The following DYNC1H1 variants were observed in gnomAD, a reference collection of about 807,000 sequenced individuals.
DYNC1H1 encodes the protein dynein cytoplasmic 1 heavy chain 1.
Under a neutral mutation model 527.1 loss-of-function variants are expected in DYNC1H1, and 51 were observed. The ratio of observed to expected loss-of-function variants is 0.10; its 90% CI spans 0.08 to 0.12. The LOEUF (loss-of-function observed/expected upper bound fraction) is 0.12, where lower values mean the gene tolerates loss of function less well. Among genes scored for constraint, DYNC1H1 ranks in the 10% least tolerant of loss-of-function variants. DYNC1H1 has a pLI of 1.00. For missense variants in DYNC1H1, 2,771 were observed against 5,971.8 expected (o/e 0.46, Z 17.66); for synonymous variants, 2,189 against 2,278.8 (o/e 0.96, Z 1.12).
chr14:102,027,060 A>T lies in DYNC1H1; in HGVS notation c.8772-114A>T. The T allele has an allele frequency of 8.2e-7, 1 of 1,214,368 alleles. No individual in the cohort carries two copies. The highest frequency in any genetic ancestry group is 1.2e-6 in the Non-Finnish European group (1 of 819,350). 75.2% of individuals were successfully genotyped at this position (1,214,368 alleles called of 1,614,324 possible). On this transcript the variant is annotated intron_variant, in intron 44 of 77. Coordinates refer to ENST00000360184, the MANE Select transcript of DYNC1H1 (RefSeq NM_001376.5). The surrounding 1 kb of genome is among the most constrained non-coding windows in gnomAD (Gnocchi z 7.7). Reference sequence around the variant, plus strand: ...AATAACAGTTGCTCAGCAAATGTTTAATATACAAGTTCAAGTTAAAACATG... The same window carrying T: ...AATAACAGTTGCTCAGCAAATGTTTTATATACAAGTTCAAGTTAAAACATG...
chr14:102,007,215 G>A lies in DYNC1H1; in HGVS notation c.5817+107G>A, dbSNP rs373153384. 2.1e-5 allele frequency: 27 copies of A among 1,260,116 alleles called. No homozygotes were observed. The East Asian group carries it at 2.9e-4, about 14-fold the overall frequency. The allele number at this position is 1,260,116 out of a possible 1,614,324, so 78.1% of individuals were successfully genotyped here. ...AAAGCCATTGGTCTTACAGCTCAGC[G>A]TGGTTTATATGGCCTCCTGAGTCCT... is the stretch of plus-strand genomic sequence containing the variant. On this transcript the variant is annotated intron_variant, in intron 28 of 77. Transcript: ENST00000360184.
chr14:102,017,573 C>T lies in DYNC1H1; in HGVS notation c.8177+69C>T. 6.2e-7 allele frequency: 1 copy of T among 1,613,336 alleles called. No individual in the cohort carries two copies. Among genetic ancestry groups the T allele is most frequent in the East Asian group, 2.2e-5 (1 of 44,884 alleles). Reference sequence around the variant, plus strand: ...TCCAGGATTGCTGTAAACACAGCGCCACAAAAACCTGGTTTTGATAATAAA... The same window carrying T: ...TCCAGGATTGCTGTAAACACAGCGCTACAAAAACCTGGTTTTGATAATAAA... On this transcript the variant is annotated intron_variant, in intron 40 of 77. Coordinates refer to ENST00000360184, the MANE Select transcript of DYNC1H1 (RefSeq NM_001376.5). This position sits in a 1 kb window ranked among gnomAD's most constrained non-coding sequence, Gnocchi z 4.6.
At position 102,050,360 on chromosome 14, in the gene DYNC1H1, A is replaced by G. The variant is rs1047906148; in HGVS notation, c.13813-75A>G. On this transcript the variant is annotated intron_variant, in intron 77 of 77. Coordinates refer to ENST00000360184, the MANE Select transcript of DYNC1H1 (RefSeq NM_001376.5). ...TCCAAACCTCTCCTTGCCGGGCCCC[A>G]TCAGCTGTCCCGGGCAGTCTTCCAG... 4 of 1,612,882 alleles carry G rather than the reference A, an allele frequency of 2.5e-6. No individual in the cohort carries two copies. The African/African-American group carries it at 5.3e-5, about 22-fold the overall frequency.
intron 18 of DYNC1H1, 24 bp downstream of exon 18, chr14:102,000,423 T>C (rs374871743): frequency 1.2e-6 from 2 of 1,609,002 alleles, no homozygotes; most frequent in African/African-American, 1.3e-5. Flanking sequence ...TCGGTGTTTG[T>C]GTACGTCTAT....
intron 15 of DYNC1H1, among the ~76,000 whole-genome samples, chr14:101,995,662 A>G (rs1197492087): frequency 6.6e-6 from 1 of 151,840 alleles, no homozygotes; most frequent in Non-Finnish European, 1.5e-5. Flanking sequence ...TGGCTTCTAT[A>G]GTATTTTGCA....
In DYNC1H1 at chr14:102,053,702, A is replaced by G. The variant is rs1167803923; in HGVS notation, c.*3139A>G. On this transcript the variant is annotated 3_prime_UTR_variant, in exon 78 of 78. Coordinates refer to ENST00000360184, the MANE Select transcript of DYNC1H1 (RefSeq NM_001376.5). ...TGACCTCGTGATCCACCCGCCTCCC[A>G]AAGTGCTGAGATTACAGGCGTGAGC... 1 of 150,852 alleles carries G rather than the reference A, an allele frequency of 6.6e-6. No homozygotes were observed. The highest frequency in any genetic ancestry group is 1.5e-5 in the Non-Finnish European group (1 of 68,002). 9.3% of individuals were successfully genotyped at this position (150,852 alleles called of 1,614,324 possible). A position where few individuals can be genotyped will look rare whatever the true frequency, so the allele number is the denominator to read the frequency against.
rs141827899 is a variant in DYNC1H1 at position 102,026,648 on chromosome 14, A to G, written c.8712A>G (p.Glu2904=). Reference sequence around the variant, plus strand: ...GGCTGAAGGTCTTTTATGAAGAAGAACTTGATGTTCCGCTGGTGCTGTTTA... The same window carrying G: ...GGCTGAAGGTCTTTTATGAAGAAGAGCTTGATGTTCCGCTGGTGCTGTTTA... ...KARLKVFYEE[E]LDVPLVLFNE... The change falls in exon 44 of 78, where the codon GAA becomes GAG. Residue 2904 remains glutamate, a synonymous_variant. Transcript: ENST00000360184. 2 of 1,614,208 alleles carry G rather than the reference A, an allele frequency of 1.2e-6. No individual in the cohort carries two copies. Among genetic ancestry groups the G allele is most frequent in the Non-Finnish European group, 1.7e-6 (2 of 1,180,034 alleles).
rs2048272026 is a variant in DYNC1H1, at chr14:102,012,772, T to C, written c.7014+302T>C. On this transcript the variant is annotated intron_variant, in intron 34 of 77. Transcript: ENST00000360184. The surrounding 1 kb of genome is among the most constrained non-coding windows in gnomAD (Gnocchi z 4.9). ...TTGTCGTTAAGGTTTCTTAAGCTGT[T>C]ATACATCTAGAGAGCTGGGAAAATG... is the stretch of plus-strand genomic sequence containing the variant. The C allele has an allele frequency of 1.9e-5, 8 of 424,200 alleles. No individual in the cohort carries two copies. Among genetic ancestry groups the C allele is most frequent in the Non-Finnish European group, 3.1e-5 (7 of 228,058 alleles). 26.3% of individuals were successfully genotyped at this position (424,200 alleles called of 1,614,324 possible).
intron 29 of DYNC1H1, chr14:102,009,519 TGC>T: frequency 6.6e-6 from 2 of 303,610 alleles, no homozygotes; most frequent in Non-Finnish European, 1.2e-5. Flanking sequence ...TTTTTTTTTT[TGC>T]ACAATTTGTT....
At position 102,041,903 on chromosome 14, in the gene DYNC1H1, G is replaced by A. The variant is rs1042239097; in HGVS notation, c.12103-110G>A. The A allele has an allele frequency of 4.1e-4, 617 of 1,500,488 alleles. 2 individuals are homozygous for A. The highest frequency in any genetic ancestry group is 3.7e-4 in the Non-Finnish European group (402 of 1,092,132). The allele number at this position is 1,500,488 out of a possible 1,614,324, so 92.9% of individuals were successfully genotyped here. On this transcript the variant is annotated intron_variant, in intron 65 of 77. Transcript: ENST00000360184. This position sits in a 1 kb window ranked among gnomAD's most constrained non-coding sequence, Gnocchi z 4.5. ...CTGGCTGCATGGTGCCCACACCTCT[G>A]GGCCCAGAAAGAACATCTTCTCAGG...
chr14:102,028,174 A>G (rs1384556092), intron 48 of DYNC1H1, 33 bp downstream of exon 48: 1 of 1,608,456 alleles, frequency 6.2e-7, no homozygotes, highest in Admixed American at 1.7e-5. Flanking sequence ...CAGATAAACC[A>G]CAAAACTAAC....
At position 102,016,573 on chromosome 14, in the gene DYNC1H1, G is replaced by T; in HGVS notation, c.7614+84G>T. 6.2e-7 allele frequency: 1 copy of T among 1,611,246 alleles called. No individual in the cohort carries two copies. The highest frequency in any genetic ancestry group is 8.5e-7 in the Non-Finnish European group (1 of 1,178,066). On this transcript the variant is annotated intron_variant, in intron 37 of 77. Transcript: ENST00000360184. This position sits in a 1 kb window ranked among gnomAD's most constrained non-coding sequence, Gnocchi z 7.3. ...TGGAACAAGCTGACCATGGACCTTG[G>T]CTTCGTCTTTTCATTTTATTCCATT...
At chr14:102,024,938 C>G (rs1366862001) in intron 43 of DYNC1H1, among the ~76,000 whole-genome samples, 1 of 151,618 alleles carries the variant, frequency 6.6e-6, no homozygotes, top group Non-Finnish European at 1.5e-5. Context: ...TCGTGATCAG[C>G]CCATCTCGGC....
At position 102,027,871 on chromosome 14, in the gene DYNC1H1, C is replaced by T. The variant is rs370223723; in HGVS notation, c.9263+38C>T. ...TTACTTGGCTCTGGGTCAGGAAAGT[C>T]GGTGTCCTTCCAAGGGACAAAGCCT... is the stretch of plus-strand genomic sequence containing the variant. On this transcript the variant is annotated intron_variant, in intron 47 of 77. Coordinates refer to ENST00000360184, the MANE Select transcript of DYNC1H1 (RefSeq NM_001376.5). The surrounding 1 kb of genome is among the most constrained non-coding windows in gnomAD (Gnocchi z 7.7). 6.4e-5 allele frequency: 104 copies of T among 1,614,176 alleles called. 1 individual carries two copies. The East Asian group carries it at 1.4e-3, about 21-fold the overall frequency.
At chr14:101,984,394 CGT>C (rs1160989729) in intron 7 of DYNC1H1, among the ~76,000 whole-genome samples, 1 of 96,490 alleles carries the variant, frequency 1.0e-5, no homozygotes, top group African/African-American at 4.9e-5. Flanking sequence ...TATATATATG[CGT>C]ATATATGTGT....
In DYNC1H1 at chr14:101,996,013, G is replaced by A. The variant is rs189904742; in HGVS notation, c.3564+713G>A. 5.5e-3 allele frequency among the ~76,000 whole-genome samples: 838 copies of A among 152,142 alleles called. 8 individuals are homozygous for A. Among genetic ancestry groups the A allele is most frequent in the African/African-American group, 0.019 (809 of 41,530 alleles). ...TGGGAGGCGGAGGTTGCAGTGAGCTGAGATTGTGCCACTGCACTCCAGCCT... is the reference window on the plus strand; with the variant it reads ...TGGGAGGCGGAGGTTGCAGTGAGCTAAGATTGTGCCACTGCACTCCAGCCT... On this transcript the variant is annotated intron_variant, in intron 15 of 77. Transcript: ENST00000360184.
Position 101,979,252 on chromosome 14 carries a change from T to C in DYNC1H1, c.345-67T>C. 2.6e-6 allele frequency: 4 copies of C among 1,511,232 alleles called. No homozygotes were observed. Among genetic ancestry groups the C allele is most frequent in the Non-Finnish European group, 3.7e-6 (4 of 1,092,148 alleles). 93.6% of individuals were successfully genotyped at this position (1,511,232 alleles called of 1,614,324 possible). A position where few individuals can be genotyped will look rare whatever the true frequency, so the allele number is the denominator to read the frequency against. On this transcript the variant is annotated intron_variant, in intron 2 of 77. Coordinates refer to ENST00000360184, the MANE Select transcript of DYNC1H1 (RefSeq NM_001376.5). This position sits in a 1 kb window ranked among gnomAD's most constrained non-coding sequence, Gnocchi z 4.6. ...AACACTTCAGTATATTCTTGTATGA[T>C]TTTTAAATTAATAAGCCTAATTAGG...
At chr14:101,966,091 C>G (rs1566991562) in intron 1 of DYNC1H1, among the ~76,000 whole-genome samples, 1 of 152,128 alleles carries the variant, frequency 6.6e-6, no homozygotes, top group Non-Finnish European at 1.5e-5. Flanking sequence ...AAATATTTGC[C>G]AACAAGCTTC....
rs969688159 is a variant in DYNC1H1, at chr14:102,020,393, T to C, written c.8507+337T>C. On this transcript the variant is annotated intron_variant, in intron 42 of 77. Transcript: ENST00000360184. The surrounding 1 kb of genome is among the most constrained non-coding windows in gnomAD (Gnocchi z 4.3). Reference sequence around the variant, plus strand: ...AAACGGGGCACTTTAATAAACCTTTTAAACTGTCAGGTGGGACCACAAAAG... The same window carrying C: ...AAACGGGGCACTTTAATAAACCTTTCAAACTGTCAGGTGGGACCACAAAAG... Among the ~76,000 whole-genome samples, 1 of 152,164 alleles carries C rather than the reference T, an allele frequency of 6.6e-6. No individual in the cohort carries two copies. Among genetic ancestry groups the C allele is most frequent in the Admixed American group, 6.5e-5 (1 of 15,270 alleles).
Sources: allele counts gnomAD v4.1 joint callset (sites outside exome capture counted in the v4.1 genomes callset), GRCh38; gene constraint gnomAD v4.1.1; non-coding constraint Gnocchi (gnomAD v3.1); transcripts MANE v1.5; gene names NCBI Gene and HGNC (gene_info 2026-07-23, HGNC 2026-07-21).